The following SUSD4 variants were observed in gnomAD, a reference collection of about 807,000 sequenced individuals.
The protein encoded by SUSD4 is sushi domain containing 4, also known as sushi domain-containing protein 4.
In SUSD4, 41 loss-of-function variants were observed where a neutral mutation model predicts 50.5. That is an observed-to-expected ratio of 0.81 (90% CI 0.63 to 1.05). The LOEUF is 1.05. Among genes scored for constraint, SUSD4 ranks in the 50% least tolerant of loss-of-function variants. SUSD4 has a pLI of 0.00. For missense variants in SUSD4, 580 were observed against 634.7 expected, an observed-to-expected ratio of 0.91 and a Z score of 0.93; for synonymous variants, 257 against 257.3, an observed-to-expected ratio of 1.00 and a Z score of 0.01.
chr1:223,327,920 G>T (rs952648413), intron 2 of SUSD4, among the ~76,000 whole-genome samples: 4 of 152,092 alleles, frequency 2.6e-5, no homozygotes, highest in Non-Finnish European at 5.9e-5. Context: ...CTTCCTGAAG[G>T]GTGATGTCTT....
In SUSD4 at chr1:223,231,224, T is replaced by G. The variant is rs1342883187; in HGVS notation, c.725-1836A>C. Among the ~76,000 whole-genome samples, 1 of 152,030 alleles carries G rather than the reference T, an allele frequency of 6.6e-6. No homozygotes were observed. The highest frequency in any genetic ancestry group is 1.5e-5 in the Non-Finnish European group (1 of 67,980). On this transcript the variant is annotated intron_variant, in intron 5 of 8. Coordinates refer to ENST00000366878, the MANE Select transcript of SUSD4 (RefSeq NM_017982.4). The surrounding 1 kb of genome is among the most constrained non-coding windows in gnomAD (Gnocchi z 4.2). ...AGCCTGGTTCTCCACCTGCCCACCCTCCAGGCTCCCTCTGGACAAAGCCAG... is the reference window on the plus strand; with the variant it reads ...AGCCTGGTTCTCCACCTGCCCACCCGCCAGGCTCCCTCTGGACAAAGCCAG...
rs75525014 is a variant in SUSD4, at chr1:223,288,661, C to T, written c.361+3778G>A. ...GATGAACTCTGTAACCCAAAAGATG[C>T]TTAAGTAAGGAAATATTTTCATCAA... On this transcript the variant is annotated intron_variant, in intron 3 of 8. Transcript: ENST00000366878. Among the ~76,000 whole-genome samples, 998 of 152,214 alleles carry T rather than the reference C, an allele frequency of 6.6e-3. 17 individuals carry two copies. The highest frequency in any genetic ancestry group is 0.022 in the African/African-American group (932 of 41,520).
chr1:223,360,352 T>C (rs111690566), intron 2 of SUSD4: 5 of 409,304 alleles, frequency 1.2e-5, no homozygotes, highest in East Asian at 7.4e-5. Flanking sequence ...CCATGCTCCA[T>C]GCAGATTCCA....
chr1:223,315,730 A>T (rs1407728298), intron 2 of SUSD4, among the ~76,000 whole-genome samples: 4 of 152,064 alleles, frequency 2.6e-5, no homozygotes, highest in South Asian at 2.1e-4. Context: ...TGAAAAAAAA[A>T]TTTTTCCGCT....
chr1:223,359,831 G>C (rs1210219517), intron 2 of SUSD4, among the ~76,000 whole-genome samples: 1 of 152,060 alleles, frequency 6.6e-6, no homozygotes, highest in Non-Finnish European at 1.5e-5. Context: ...TTAAAAGTTG[G>C]GGATAGAAAG....
At chr1:223,306,457 G>A (rs1288034195) in intron 2 of SUSD4, among the ~76,000 whole-genome samples, 3 of 152,172 alleles carry the variant, frequency 2.0e-5, no homozygotes, top group Admixed American at 2.0e-4. Context: ...TAAGTTTTAA[G>A]ATTATCAATT....
chr1:223,317,857 T>C (rs1666309735), intron 2 of SUSD4, among the ~76,000 whole-genome samples: 1 of 142,014 alleles, frequency 7.0e-6, no homozygotes, highest in African/African-American at 2.6e-5. Flanking sequence ...TTTTCTTTTT[T>C]TTTTTTTTTT....
At chr1:223,263,557 A>AGCC in intron 5 of SUSD4, 1 of 985,332 alleles carries the variant, frequency 1.0e-6, no homozygotes, top group Non-Finnish European at 1.2e-6. Flanking sequence ...TCTAATGATC[A>AGCC]GCCTAGGAGT....
At chr1:223,351,201 T>C (rs899384183) in intron 2 of SUSD4, among the ~76,000 whole-genome samples, 1 of 152,238 alleles carries the variant, frequency 6.6e-6, no homozygotes, top group Non-Finnish European at 1.5e-5. Flanking sequence ...TCCCCCCGGA[T>C]TGCCACATGG....
chr1:223,331,997 C>A (rs1229233294), intron 2 of SUSD4, among the ~76,000 whole-genome samples: 1 of 152,220 alleles, frequency 6.6e-6, no homozygotes, highest in Non-Finnish European at 1.5e-5. Context: ...CACCTGTGTT[C>A]TGCTTCATGA....
At chr1:223,236,781 G>A (rs1553281105) in intron 5 of SUSD4, among the ~76,000 whole-genome samples, 1 of 151,972 alleles carries the variant, frequency 6.6e-6, no homozygotes, top group Non-Finnish European at 1.5e-5. Context: ...TTGAGGTCAG[G>A]CAATGTCAGT....
At chr1:223,228,080 G>A (rs1007239332) in intron 6 of SUSD4, among the ~76,000 whole-genome samples, 4 of 152,228 alleles carry the variant, frequency 2.6e-5, no homozygotes, top group Non-Finnish European at 5.9e-5. Context: ...AAGTTGCTCC[G>A]AAATGGACCA....
In SUSD4 at chr1:223,332,858, T is replaced by C. The variant is rs533917451; in HGVS notation, c.148+30420A>G. Among the ~76,000 whole-genome samples, 9 of 152,134 alleles carry C rather than the reference T, an allele frequency of 5.9e-5. No homozygotes were observed. In the South Asian group the frequency reaches 1.7e-3, roughly 28 times the overall value. On this transcript the variant is annotated intron_variant, in intron 2 of 8. Transcript: ENST00000366878. This position sits in a 1 kb window ranked among gnomAD's most constrained non-coding sequence, Gnocchi z 4.0. ...GTACTGGGGAGGGTGGGGACCATCC[T>C]GGGAGTGCCTTGCAATGGCCATCTT...
rs754562778 is a variant in SUSD4, at chr1:223,223,572, A to G, written c.1121T>C (p.Val374Ala). 1 of 1,613,292 alleles carries G rather than the reference A, an allele frequency of 6.2e-7. No homozygotes were observed. The highest frequency in any genetic ancestry group is 8.5e-7 in the Non-Finnish European group (1 of 1,179,726). The change falls in exon 8 of 9, where the codon GTC becomes GCC. Residue 374 changes from valine (V) to alanine (A), a missense_variant. Transcript: ENST00000366878. ...PDFVVVDGVP[V>A]MLPSYDEAVS... ...AGCTTCGTCATAGGACGGGAGCATG[A>G]CGGGCACGCCGTCTACCACCACAAA...
chr1:223,353,287 G>A (rs551511152), intron 2 of SUSD4, among the ~76,000 whole-genome samples: 1 of 152,288 alleles, frequency 6.6e-6, no homozygotes, highest in African/African-American at 2.4e-5. Flanking sequence ...TACATGCTGT[G>A]CAGAGCATCC....
intron 5 of SUSD4, chr1:223,230,679 G>A (rs1659836152): frequency 1.3e-5 from 2 of 152,276 alleles, no homozygotes; most frequent in South Asian, 2.1e-4. Flanking sequence ...ACACTGTAGT[G>A]TAGATCTTGT....
intron 2 of SUSD4, among the ~76,000 whole-genome samples, chr1:223,353,923 C>T (rs1262396498): frequency 6.6e-6 from 1 of 151,726 alleles, no homozygotes; most frequent in Non-Finnish European, 1.5e-5. Flanking sequence ...GAAAGCTACT[C>T]GGGAGGCTGA....
At chr1:223,246,361 C>T (rs895236497) in intron 5 of SUSD4, among the ~76,000 whole-genome samples, 5 of 152,110 alleles carry the variant, frequency 3.3e-5, no homozygotes, top group Non-Finnish European at 7.4e-5. Context: ...GGAAGCCATT[C>T]TGCAGTGAGT....
At chr1:223,321,345 C>T (rs1023346478) in intron 2 of SUSD4, among the ~76,000 whole-genome samples, 1 of 152,190 alleles carries the variant, frequency 6.6e-6, no homozygotes, top group African/African-American at 2.4e-5. Flanking sequence ...AGTCAATGAA[C>T]CTCTTTAGGT....
Sources: gnomAD v4.1 joint callset for allele counts (sites outside exome capture counted in the v4.1 genomes callset) on GRCh38, gnomAD v4.1.1 for gene constraint, Gnocchi (gnomAD v3.1) non-coding constraint, MANE v1.5 for transcripts, NCBI Gene and HGNC (gene_info 2026-07-23, HGNC 2026-07-21) for gene names.